The following ABHD2 variants were observed in gnomAD, a reference collection of about 807,000 sequenced individuals.
ABHD2 encodes the protein monoacylglycerol lipase ABHD2.
In ABHD2, 20 loss-of-function variants were observed where a neutral mutation model predicts 48.1. The observed-to-expected ratio is 0.42, with a 90% CI of 0.29 to 0.60. ABHD2 has a LOEUF of 0.60. Ranked by LOEUF, ABHD2 falls within the 20% of genes least tolerant of loss-of-function variation. The pLI, the probability that ABHD2 is intolerant of heterozygous loss-of-function variation, is 0.24. For missense variants in ABHD2, 405 were observed against 550.9 expected (o/e 0.74, Z 2.65); for synonymous variants, 209 against 214.2 (o/e 0.98, Z 0.21).
the ABHD2 span, among the ~76,000 whole-genome samples, chr15:89,069,929 C>T: frequency 2.0e-5 from 3 of 152,098 alleles, no homozygotes. Flanking sequence ...ATCCACCTGC[C>T]TCGACCTCCC....
At chr15:89,148,343 C>G (rs1042299415) in intron 3 of ABHD2, among the ~76,000 whole-genome samples, 1 of 151,972 alleles carries the variant, frequency 6.6e-6, no homozygotes, top group Admixed American at 6.6e-5. Context: ...TTCAAACAAG[C>G]AACTTTTTTT....
rs1367083847 is a variant in ABHD2, at chr15:89,164,770, C to T, written c.538+9236C>T. 6.7e-6 allele frequency among the ~76,000 whole-genome samples: 1 copy of T among 150,364 alleles called. No homozygotes were observed. Among genetic ancestry groups the T allele is most frequent in the Non-Finnish European group, 1.5e-5 (1 of 67,954 alleles). On this transcript the variant is annotated intron_variant, in intron 5 of 10. Transcript: ENST00000352732. The surrounding 1 kb of genome is among the most constrained non-coding windows in gnomAD (Gnocchi z 5.0). ...CCAGCCTAGACGACAGAGACTGACC[C>T]TGTCTTTAAAAAAAAAAAAATGGCA...
At chr15:89,042,590 AT>A in the ABHD2 span, among the ~76,000 whole-genome samples, 1 of 23,486 alleles carries the variant, frequency 4.3e-5, no homozygotes, top group African/African-American at 1.7e-4. Flanking sequence ...TTTCTTTCTT[AT>A]TTATTTATTT....
At chr15:89,053,099 T>G in the ABHD2 span, among the ~76,000 whole-genome samples, 1 of 151,940 alleles carries the variant, frequency 6.6e-6, no homozygotes, top group South Asian at 2.1e-4. Flanking sequence ...CCCGAGTAGC[T>G]GGGACTACAG....
rs1468562216 is a variant in ABHD2 at position 89,164,812 on chromosome 15, T to C, written c.538+9278T>C. Reference sequence around the variant, plus strand: ...AAAATGGCAATAATATAAAAGTGCATGGCATAGAGTCCAGCAAATACCAGT... The same window carrying C: ...AAAATGGCAATAATATAAAAGTGCACGGCATAGAGTCCAGCAAATACCAGT... On this transcript the variant is annotated intron_variant, in intron 5 of 10. Transcript: ENST00000352732. This position sits in a 1 kb window ranked among gnomAD's most constrained non-coding sequence, Gnocchi z 5.0. Among the ~76,000 whole-genome samples the C allele has an allele frequency of 1.3e-5, 2 of 151,952 alleles. No homozygotes were observed. The highest frequency in any genetic ancestry group is 6.6e-5 in the Admixed American group (1 of 15,252).
At chr15:89,067,310 T>C in the ABHD2 span, among the ~76,000 whole-genome samples, 1 of 152,230 alleles carries the variant, frequency 6.6e-6, no homozygotes, top group African/African-American at 2.4e-5. Context: ...TGTGACAGTT[T>C]AGCATTTTCT....
the ABHD2 span, among the ~76,000 whole-genome samples, chr15:89,074,666 C>A: frequency 5.3e-5 from 8 of 152,174 alleles, no homozygotes; most frequent in Admixed American, 5.2e-4. Context: ...CCTTCCCTTC[C>A]ATCTTAGAGG....
chr15:89,043,962 T>A, the ABHD2 span, among the ~76,000 whole-genome samples: 1 of 152,056 alleles, frequency 6.6e-6, no homozygotes, highest in Admixed American at 6.6e-5. Context: ...TGCAGGTTAG[T>A]TACATATGTA....
chr15:89,193,009 T>C (rs944711780), intron 9 of ABHD2, among the ~76,000 whole-genome samples: 1 of 152,196 alleles, frequency 6.6e-6, no homozygotes, highest in Non-Finnish European at 1.5e-5. Context: ...TCAGGAAGCT[T>C]TCTTCTACAC....
At chr15:89,060,076 C>T in the ABHD2 span, among the ~76,000 whole-genome samples, 21 of 146,470 alleles carry the variant, frequency 1.4e-4, no homozygotes, top group African/African-American at 5.4e-4. Flanking sequence ...AAGAACCACT[C>T]CAAGGCCTTT....
the ABHD2 span, among the ~76,000 whole-genome samples, chr15:89,068,754 C>CTTTTTTTTTTTTTTTTT: frequency 2.0e-4 from 14 of 71,386 alleles, 4 homozygotes; most frequent in East Asian, 1.1e-3. Context: ...CAAGCTTCCT[C>CTTTTTTTTTTTTTTTTT]TTTTTTTTTT....
In ABHD2 at chr15:89,156,399, G is replaced by A. The variant is rs372367240; in HGVS notation, c.538+865G>A. On this transcript the variant is annotated intron_variant, in intron 5 of 10. Transcript: ENST00000352732. ...GCCTCCCGAAGTGCTGGGATTACAGGCATGAGCCACCGCGCCCCGCCTTTT... is the reference window on the plus strand; with the variant it reads ...GCCTCCCGAAGTGCTGGGATTACAGACATGAGCCACCGCGCCCCGCCTTTT... Among the ~76,000 whole-genome samples, 6 of 150,124 alleles carry A rather than the reference G, an allele frequency of 4.0e-5. No individual in the cohort carries two copies. In the East Asian group the frequency reaches 8.3e-4, roughly 21 times the overall value.
At chr15:89,119,754 CTTTCTG>C (rs1338765891) in intron 3 of ABHD2, among the ~76,000 whole-genome samples, 1 of 152,188 alleles carries the variant, frequency 6.6e-6, no homozygotes, top group Non-Finnish European at 1.5e-5. Context: ...ATCTGACCCT[CTTTCTG>C]TTTCTGTCAC....
chr15:89,061,826 A>G, the ABHD2 span, among the ~76,000 whole-genome samples: 3 of 152,146 alleles, frequency 2.0e-5, no homozygotes, highest in African/African-American at 7.2e-5. Flanking sequence ...TGCCTGCCTC[A>G]GCCTCCCAAA....
At chr15:89,081,283 A>G in the ABHD2 span, among the ~76,000 whole-genome samples, 1 of 150,820 alleles carries the variant, frequency 6.6e-6, no homozygotes, top group Non-Finnish European at 1.5e-5. Context: ...GCCTCCCAAA[A>G]TGCTGGGATT....
At chr15:89,057,491 G>GA in the ABHD2 span, among the ~76,000 whole-genome samples, 2 of 152,194 alleles carry the variant, frequency 1.3e-5, no homozygotes, top group Admixed American at 1.3e-4. Context: ...TTCATGGTTA[G>GA]CAAACAGCTG....
intron 3 of ABHD2, among the ~76,000 whole-genome samples, chr15:89,147,938 A>G (rs2050522075): frequency 6.6e-6 from 1 of 151,290 alleles, no homozygotes; most frequent in Admixed American, 6.6e-5. Flanking sequence ...CCAACATGGT[A>G]AAACCCCATC....
intron 10 of ABHD2, among the ~76,000 whole-genome samples, chr15:89,194,762 GAT>G (rs1458423103): frequency 1.3e-5 from 2 of 152,156 alleles, no homozygotes; most frequent in Non-Finnish European, 2.9e-5. Context: ...ATTTTAATAA[GAT>G]ATCCTAAGTG....
intron 5 of ABHD2, among the ~76,000 whole-genome samples, chr15:89,163,883 T>G (rs1281914246): frequency 6.6e-6 from 1 of 152,210 alleles, no homozygotes; most frequent in African/African-American, 2.4e-5. Context: ...ATCACAGAGT[T>G]AATGAGTGGG....
Sources: allele counts gnomAD v4.1 joint callset (sites outside exome capture counted in the v4.1 genomes callset), GRCh38; gene constraint gnomAD v4.1.1; non-coding constraint Gnocchi (gnomAD v3.1); transcripts MANE v1.5; gene names NCBI Gene and HGNC (gene_info 2026-07-23, HGNC 2026-07-21).